The following VAV1 variants were observed in gnomAD, a reference collection of about 807,000 sequenced individuals.
VAV1 encodes vav guanine nucleotide exchange factor 1.
VAV1 carries 33 observed loss-of-function variants against 128.1 expected under a neutral mutation model. The ratio of observed to expected loss-of-function variants is 0.26; its 90% confidence interval spans 0.20 to 0.34. VAV1 has a LOEUF of 0.34. Ranked by LOEUF, VAV1 falls within the 10% of genes least tolerant of loss-of-function variation. The probability of loss-of-function intolerance (pLI) is 1.00; values close to 1 mark genes in which losing one functional copy is unlikely to be tolerated. For missense variants in VAV1, 715 were observed against 1,093.7 expected (o/e 0.65, Z 4.88); for synonymous variants, 394 against 409.8 (o/e 0.96, Z 0.47).
At chr19:6,844,063 CTTTTTTTTTTTTTTTTTTTTTTTT>C (rs71177123) in intron 22 of VAV1, among the ~76,000 whole-genome samples, 47 of 21,326 alleles carry the variant, frequency 2.2e-3, no homozygotes, top group Admixed American at 3.1e-3. Flanking sequence ...TCTTCTTCTT[CTTTTTTTTTTTTTTTTTTTTTTTT>C]TTTTTTTTTT....
chr19:6,853,889 A>C (rs1332941083), intron 25 of VAV1, 58 bp from the exon 26 acceptor site: 8 of 1,581,478 alleles, frequency 5.1e-6, no homozygotes, highest in Non-Finnish European at 6.8e-6. Flanking sequence ...TTGTGCCCCC[A>C]GAGAGTGAGT....
At chr19:6,776,006 A>T (rs1599609663) in intron 1 of VAV1, among the ~76,000 whole-genome samples, 1 of 152,064 alleles carries the variant, frequency 6.6e-6, no homozygotes, top group Non-Finnish European at 1.5e-5. Flanking sequence ...CCGTTCATCC[A>T]CCCATCCACT....
rs1287872333 is a variant in VAV1, at chr19:6,821,787, C to G, written c.381-4C>G. 2 of 1,614,094 alleles carry G rather than the reference C, an allele frequency of 1.2e-6. No homozygotes were observed. Among genetic ancestry groups the G allele is most frequent in the East Asian group, 4.5e-5 (2 of 44,894 alleles). On this transcript the variant is annotated splice_region_variant and splice_polypyrimidine_tract_variant and intron_variant, in intron 3 of 26. Coordinates refer to ENST00000602142, the MANE Select transcript of VAV1 (RefSeq NM_005428.4). ...CCCTGGCTCACACCCTCCTGACCCC[C>G]CAGGCCCTTCCCCACCGAGGAGGAG...
In VAV1 at chr19:6,844,063, C is replaced by CTTTTTTTTTTTTTTTTTTTTTTTTTT. The variant is rs71177123; in HGVS notation, c.2012+913_2012+938dup. The stretch of plus-strand genomic sequence containing the variant: ...ACTTTCTTCTTTTCTTCTTCTTCTT[C>CTTTTTTTTTTTTTTTTTTTTTTTTTT]TTTTTTTTTTTTTTTTTTTTTTTTT... On this transcript the variant is annotated intron_variant, in intron 22 of 26. Coordinates refer to ENST00000602142, the MANE Select transcript of VAV1 (RefSeq NM_005428.4). Among the ~76,000 whole-genome samples, 27 of 21,326 alleles carry CTTTTTTTTTTTTTTTTTTTTTTTTTT rather than the reference C, an allele frequency of 1.3e-3. 10 individuals are homozygous for CTTTTTTTTTTTTTTTTTTTTTTTTTT. Among genetic ancestry groups the CTTTTTTTTTTTTTTTTTTTTTTTTTT allele is most frequent in the African/African-American group, 2.7e-3 (22 of 8,152 alleles). 14.0% of individuals were successfully genotyped at this position (21,326 alleles called of 152,430 possible). A position where few individuals can be genotyped will look rare whatever the true frequency, so the allele number is the denominator to read the frequency against.
chr19:6,850,410 A>G (rs1436359354), intron 23 of VAV1, among the ~76,000 whole-genome samples: 1 of 150,390 alleles, frequency 6.6e-6, no homozygotes, highest in African/African-American at 2.5e-5. Flanking sequence ...ATTCTAGAAC[A>G]CTGCCTTCTT....
intron 19 of VAV1, chr19:6,836,198 G>T (rs1465039716): frequency 4.3e-6 from 2 of 463,868 alleles, no homozygotes; most frequent in East Asian, 4.2e-5. Context: ...CATTTCTCTT[G>T]GGTTGCTGGG....
At chr19:6,798,642 G>A (rs1315690343) in intron 1 of VAV1, among the ~76,000 whole-genome samples, 1 of 151,452 alleles carries the variant, frequency 6.6e-6, no homozygotes, top group Non-Finnish European at 1.5e-5. Context: ...GACAGAGTGA[G>A]ACCCTGTTTC....
In VAV1 at chr19:6,812,347, T is replaced by C. The variant is rs555447229; in HGVS notation, c.205-8355T>C. ...TGAAGATTGGAAGCTGATTAATATC[T>C]GAGGTATTTTCCAGTTTCAAAAATT... On this transcript the variant is annotated intron_variant, in intron 1 of 26. Coordinates refer to ENST00000602142, the MANE Select transcript of VAV1 (RefSeq NM_005428.4). 1.9e-4 allele frequency among the ~76,000 whole-genome samples: 29 copies of C among 152,302 alleles called. No individual in the cohort carries two copies. In the East Asian group the frequency reaches 5.6e-3, roughly 29 times the overall value.
In VAV1 at chr19:6,788,780, C is replaced by G. The variant is rs112162974; in HGVS notation, c.204+15769C>G. ...AATACCATGCTCTGATGGGCCAGGC[C>G]AGGGTCATGTGCCTATTCCTTGAGT... On this transcript the variant is annotated intron_variant, in intron 1 of 26. Transcript: ENST00000602142. Among the ~76,000 whole-genome samples the G allele has an allele frequency of 7.1e-3, 1,082 of 152,234 alleles. 13 individuals carry two copies. Among genetic ancestry groups the G allele is most frequent in the African/African-American group, 0.025 (1,039 of 41,526 alleles).
intron 26 of VAV1, among the ~76,000 whole-genome samples, chr19:6,856,575 T>C (rs994290321): frequency 1.3e-5 from 2 of 150,522 alleles, no homozygotes; most frequent in Non-Finnish European, 3.0e-5. Context: ...TACAAAAAAA[T>C]TAGCCGGGTG....
chr19:6,793,594 G>T (rs1254543852), intron 1 of VAV1, among the ~76,000 whole-genome samples: 1 of 152,082 alleles, frequency 6.6e-6, no homozygotes, highest in Non-Finnish European at 1.5e-5. Context: ...TACAGGAAAA[G>T]GCAGTCCTCC....
intron 25 of VAV1, 36 bp downstream of exon 25, chr19:6,853,115 C>CCCCTT: frequency 6.3e-7 from 1 of 1,592,608 alleles, no homozygotes; most frequent in Middle Eastern, 1.7e-4. Context: ...ACAGCCTCAG[C>CCCCTT]CCCTTCCCAT....
At chr19:6,851,051 C>A (rs919907056) in intron 24 of VAV1, among the ~76,000 whole-genome samples, 1 of 151,800 alleles carries the variant, frequency 6.6e-6, no homozygotes, top group Non-Finnish European at 1.5e-5. Context: ...TGCATATATA[C>A]ATACATATGT....
At chr19:6,830,218 C>G (rs1480678884) in intron 14 of VAV1, among the ~76,000 whole-genome samples, 1 of 152,012 alleles carries the variant, frequency 6.6e-6, no homozygotes, top group East Asian at 1.9e-4. Context: ...ACCACCACGC[C>G]CAGCTAATCT....
At chr19:6,789,445 G>T (rs947383704) in intron 1 of VAV1, among the ~76,000 whole-genome samples, 1 of 152,098 alleles carries the variant, frequency 6.6e-6, no homozygotes, top group Non-Finnish European at 1.5e-5. Context: ...TAGAGATGGG[G>T]TTTCACCGTG....
intron 1 of VAV1, among the ~76,000 whole-genome samples, chr19:6,816,235 T>C (rs1213517747): frequency 1.3e-5 from 2 of 152,060 alleles, no homozygotes; most frequent in Non-Finnish European, 2.9e-5. Flanking sequence ...TTAATCAGGA[T>C]GGTCTCGATC....
chr19:6,795,227 A>G (rs554180403), intron 1 of VAV1, among the ~76,000 whole-genome samples: 9 of 152,164 alleles, frequency 5.9e-5, no homozygotes, highest in Admixed American at 4.6e-4. Flanking sequence ...CCTATCTAGG[A>G]GCAGGGTGCA....
chr19:6,837,184 A>G, intron 21 of VAV1, 134 bp downstream of exon 21: 1 of 857,762 alleles, frequency 1.2e-6, no homozygotes, highest in Non-Finnish European at 1.8e-6. Flanking sequence ...CTCTAACTCA[A>G]GGCTTCACCC....
intron 23 of VAV1, 138 bp downstream of exon 23, chr19:6,848,252 G>A (rs191404005): frequency 1.6e-5 from 10 of 641,664 alleles, no homozygotes; most frequent in Middle Eastern, 4.8e-4. Flanking sequence ...TGGTTCCCAC[G>A]TGCCTTTCAC....
Sources: allele counts gnomAD v4.1 joint callset (sites outside exome capture counted in the v4.1 genomes callset), GRCh38; gene constraint gnomAD v4.1.1; transcripts MANE v1.5; gene names NCBI Gene and HGNC (gene_info 2026-07-23, HGNC 2026-07-21).